Variants in BRINP3 observed in about 807,000 individuals in gnomAD.
BRINP3 encodes the protein BMP/retinoic acid-inducible neural-specific protein 3.
In BRINP3, 19 loss-of-function variants were observed where a neutral mutation model predicts 71.0. That is an observed-to-expected ratio of 0.27 (90% CI 0.19 to 0.39). The LOEUF is 0.39. Among genes scored for constraint, BRINP3 ranks in the 10% least tolerant of loss-of-function variants. The pLI is 1.00. For missense variants in BRINP3, 959 were observed against 940.8 expected, an observed-to-expected ratio of 1.02 and a Z score of -0.25; for synonymous variants, 380 against 337.7, an observed-to-expected ratio of 1.13 and a Z score of -1.37.
intron 2 of BRINP3, among the ~76,000 whole-genome samples, chr1:190,372,722 A>G (rs776514858): frequency 6.6e-6 from 1 of 152,226 alleles, no homozygotes; most frequent in Non-Finnish European, 1.5e-5. Flanking sequence ...ATTTCAGTTC[A>G]GTTCAGGAAT....
chr1:190,299,856 T>A (rs943357004), intron 2 of BRINP3, among the ~76,000 whole-genome samples: 1 of 151,982 alleles, frequency 6.6e-6, no homozygotes, highest in Non-Finnish European at 1.5e-5. Flanking sequence ...AATTCTTTTC[T>A]TTAAGAATGT....
At chr1:190,195,077 A>G (rs886265438) in intron 6 of BRINP3, among the ~76,000 whole-genome samples, 1 of 152,108 alleles carries the variant, frequency 6.6e-6, no homozygotes, top group Admixed American at 6.6e-5. Flanking sequence ...CTCTAAAATC[A>G]ATACGGCCTA....
At chr1:190,176,053 T>A (rs111693323) in intron 6 of BRINP3, among the ~76,000 whole-genome samples, 84 of 152,280 alleles carry the variant, frequency 5.5e-4, no homozygotes, top group African/African-American at 1.9e-3. Flanking sequence ...TTTACTTGTA[T>A]TCACCCTTTA....
chr1:190,267,267 T>C (rs1481491963), intron 3 of BRINP3, among the ~76,000 whole-genome samples: 1 of 152,124 alleles, frequency 6.6e-6, no homozygotes, highest in African/African-American at 2.4e-5. Flanking sequence ...AAACCTTTAG[T>C]AAATTCCATA....
intron 6 of BRINP3, among the ~76,000 whole-genome samples, 189 bp from the exon 7 acceptor site, chr1:190,161,079 T>C (rs1333321): frequency 0.34 from 51,627 of 151,970 alleles, 8,813 homozygotes; most frequent in Middle Eastern, 0.4. Context: ...TTTAGAATTA[T>C]CTTCTTTGCT....
At chr1:190,252,893 T>A (rs965395360) in intron 4 of BRINP3, among the ~76,000 whole-genome samples, 3 of 152,010 alleles carry the variant, frequency 2.0e-5, no homozygotes, top group Admixed American at 2.0e-4. Context: ...TAACTCGTCA[T>A]TTACATTAGG....
At chr1:190,368,171 T>C (rs554179197) in intron 2 of BRINP3, among the ~76,000 whole-genome samples, 9 of 152,166 alleles carry the variant, frequency 5.9e-5, no homozygotes, top group Non-Finnish European at 1.2e-4. Flanking sequence ...AAGTTCCGCA[T>C]AACTGGGGAG....
intron 2 of BRINP3, among the ~76,000 whole-genome samples, chr1:190,325,310 A>G (rs965698206): frequency 1.3e-5 from 2 of 152,054 alleles, no homozygotes; most frequent in East Asian, 3.9e-4. Context: ...CAGAAAAGTA[A>G]GCAAGAACTT....
chr1:190,299,867 T>G (rs1359976468), intron 2 of BRINP3, among the ~76,000 whole-genome samples: 1 of 152,018 alleles, frequency 6.6e-6, no homozygotes, highest in Non-Finnish European at 1.5e-5. Flanking sequence ...TTAAGAATGT[T>G]GAATATTGGC....
chr1:190,439,082 A>G (rs1161670092), intron 2 of BRINP3, among the ~76,000 whole-genome samples: 4 of 151,846 alleles, frequency 2.6e-5, no homozygotes, highest in African/African-American at 4.8e-5. Flanking sequence ...TTGTGTGTCT[A>G]TGTGGGAGAT....
chr1:190,213,606 G>A (rs901417566), intron 6 of BRINP3, among the ~76,000 whole-genome samples: 8 of 152,018 alleles, frequency 5.3e-5, no homozygotes, highest in Admixed American at 1.3e-4. Flanking sequence ...AGGATGGTAC[G>A]TGGTTGGCTT....
chr1:190,393,757 A>C (rs936681221), intron 2 of BRINP3, among the ~76,000 whole-genome samples: 4 of 151,542 alleles, frequency 2.6e-5, no homozygotes, highest in African/African-American at 9.7e-5. Context: ...CCTGGAGTGC[A>C]TGTATTACTC....
chr1:190,457,565 A>G (rs1676084602), intron 1 of BRINP3, among the ~76,000 whole-genome samples: 1 of 152,204 alleles, frequency 6.6e-6, no homozygotes, highest in Non-Finnish European at 1.5e-5. Context: ...ACTATTATAG[A>G]GGTCACCTCA....
chr1:190,241,244 A>G (rs546851914), intron 4 of BRINP3, among the ~76,000 whole-genome samples: 1 of 152,240 alleles, frequency 6.6e-6, no homozygotes, highest in African/African-American at 2.4e-5. Flanking sequence ...GAAGTTTGAA[A>G]TCATCTAGTT....
chr1:190,241,614 C>G (rs1412047765), intron 4 of BRINP3, among the ~76,000 whole-genome samples: 1 of 151,968 alleles, frequency 6.6e-6, no homozygotes, highest in Non-Finnish European at 1.5e-5. Context: ...GTTAATATGA[C>G]TTTGATTGAA....
intron 2 of BRINP3, among the ~76,000 whole-genome samples, chr1:190,297,280 A>T (rs1664323040): frequency 6.6e-6 from 1 of 152,144 alleles, no homozygotes; most frequent in Non-Finnish European, 1.5e-5. Context: ...AAGAACACAC[A>T]ATCAGGAAAT....
At chr1:190,313,006 C>T (rs892775747) in intron 2 of BRINP3, among the ~76,000 whole-genome samples, 1 of 151,808 alleles carries the variant, frequency 6.6e-6, no homozygotes, top group Non-Finnish European at 1.5e-5. Flanking sequence ...TCATCAACTA[C>T]AAACTACACT....
chr1:190,451,080 T>C (rs2102610611), intron 2 of BRINP3, among the ~76,000 whole-genome samples: 2 of 152,294 alleles, frequency 1.3e-5, no homozygotes, highest in South Asian at 4.1e-4. Context: ...TGTGATAATA[T>C]GACATGTCTG....
chr1:190,340,236 A>G (rs531258639), intron 2 of BRINP3, among the ~76,000 whole-genome samples: 7 of 152,064 alleles, frequency 4.6e-5, no homozygotes, highest in Non-Finnish European at 8.8e-5. Context: ...TAGTGGTTTT[A>G]CTGACTTGAA....
Sources: gnomAD v4.1 joint callset for allele counts (sites outside exome capture counted in the v4.1 genomes callset) on GRCh38, gnomAD v4.1.1 for gene constraint, MANE v1.5 for transcripts, NCBI Gene and HGNC (gene_info 2026-07-23, HGNC 2026-07-21) for gene names.